Variants in PIK3C2G observed in about 807,000 individuals in gnomAD.
PIK3C2G encodes phosphatidylinositol-4-phosphate 3-kinase catalytic subunit type 2 gamma.
Under a neutral mutation model 181.1 loss-of-function variants are expected in PIK3C2G, and 168 were observed. That is an observed-to-expected ratio of 0.93 (90% CI 0.82 to 1.05). The LOEUF (loss-of-function observed/expected upper bound fraction) is 1.05. Among genes scored for constraint, PIK3C2G ranks in the 50% least tolerant of loss-of-function variants. The pLI, the probability that PIK3C2G is intolerant of heterozygous loss-of-function variation, is 0.00. For missense variants in PIK3C2G, 1,869 were observed against 1,732.8 expected (o/e 1.08, Z -1.40); for synonymous variants, 573 against 592.2 (o/e 0.97, Z 0.47).
chr12:18,603,398 A>T (rs1182537392), intron 30 of PIK3C2G, among the ~76,000 whole-genome samples: 1 of 152,178 alleles, frequency 6.6e-6, no homozygotes, highest in Non-Finnish European at 1.5e-5. Flanking sequence ...ACCTAAGAAT[A>T]ATCGGTGTTT....
At chr12:18,382,843 A>T (rs188591992) in intron 14 of PIK3C2G, among the ~76,000 whole-genome samples, 2 of 152,146 alleles carry the variant, frequency 1.3e-5, no homozygotes, top group African/African-American at 2.4e-5. Context: ...GCTTGTGGTG[A>T]GGGGTTTGGG....
intron 32 of PIK3C2G, among the ~76,000 whole-genome samples, chr12:18,645,022 A>G (rs1196105937): frequency 2.0e-5 from 3 of 152,214 alleles, no homozygotes; most frequent in African/African-American, 7.2e-5. Context: ...AGTGTTTTCT[A>G]TTAGACGTAA....
At chr12:18,390,992 T>A in intron 14 of PIK3C2G, 130 bp from the exon 15 acceptor site, 1 of 575,248 alleles carries the variant, frequency 1.7e-6, no homozygotes, top group Non-Finnish European at 2.6e-6. Context: ...TATTTTAAAA[T>A]TATAAATAGC....
chr12:18,552,630 A>G (rs1459503650), intron 26 of PIK3C2G, among the ~76,000 whole-genome samples: 1 of 152,128 alleles, frequency 6.6e-6, no homozygotes, highest in African/African-American at 2.4e-5. Context: ...TTCTCCTCTC[A>G]TTGTGAAAGT....
the PIK3C2G span, chr12:18,723,640 AAAG>A: frequency 2.1e-6 from 2 of 942,744 alleles, no homozygotes; most frequent in Non-Finnish European, 3.2e-6. Flanking sequence ...TTTATACTTG[AAAG>A]AAGATGAAAA....
intron 18 of PIK3C2G, 29 bp from the exon 19 acceptor site, chr12:18,488,420 A>G: frequency 6.9e-7 from 1 of 1,447,580 alleles, no homozygotes; most frequent in Non-Finnish European, 9.2e-7. Context: ...CTTTACATAC[A>G]AGAATTTTTT....
In PIK3C2G at chr12:18,290,908, G is replaced by A; in HGVS notation, c.815G>A (p.Trp272Ter). Residue 272 changes from tryptophan (W) to a stop codon, truncating the protein, a stop_gained, in exon 4 of 33, where the codon TGG becomes TAG. Transcript: ENST00000538779. LOFTEE classifies it high-confidence loss of function. ...ADVNFNSGKI[W>*]STTTAFPYQL... is the part of the protein sequence containing the mutation. The stretch of plus-strand genomic sequence containing the variant: ...GTTAATTTCAATTCTGGGAAGATCT[G>A]GAGCACTACTACAGCATTTCCGTAT... The A allele has an allele frequency of 1.9e-6, 3 of 1,598,246 alleles. No individual in the cohort carries two copies. Among genetic ancestry groups the A allele is most frequent in the Non-Finnish European group, 2.6e-6 (3 of 1,165,844 alleles).
intron 31 of PIK3C2G, among the ~76,000 whole-genome samples, chr12:18,638,161 G>A (rs367857879): frequency 1.3e-4 from 20 of 152,156 alleles, no homozygotes; most frequent in African/African-American, 4.1e-4. Flanking sequence ...AGCCAGCTGG[G>A]ATTTGAGTTT....
intron 18 of PIK3C2G, among the ~76,000 whole-genome samples, chr12:18,442,999 G>A (rs550835499): frequency 6.2e-4 from 94 of 152,046 alleles, no homozygotes; most frequent in Non-Finnish European, 1.0e-3. Flanking sequence ...AGCCTCCCAC[G>A]TAGCTGGGAT....
At chr12:18,294,540 T>C (rs1011650781) in intron 5 of PIK3C2G, among the ~76,000 whole-genome samples, 1 of 152,000 alleles carries the variant, frequency 6.6e-6, no homozygotes, top group Admixed American at 6.6e-5. Context: ...ACCATTTCTT[T>C]ATTGAGGCAG....
chr12:18,720,195 T>A, the PIK3C2G span, among the ~76,000 whole-genome samples: 1 of 152,130 alleles, frequency 6.6e-6, no homozygotes. Flanking sequence ...TAGTTATACA[T>A]TGCTCATTCC....
the PIK3C2G span, chr12:18,713,041 C>G: frequency 6.3e-7 from 1 of 1,593,346 alleles, no homozygotes; most frequent in Non-Finnish European, 8.6e-7. Context: ...AAAATATATA[C>G]CAAAGTATTA....
At chr12:18,693,894 C>T in the PIK3C2G span, 97 of 1,530,794 alleles carry the variant, frequency 6.3e-5, 1 homozygote, top group East Asian at 1.6e-4. Context: ...AGCAGGATGA[C>T]GCTGGCTGAT....
intron 24 of PIK3C2G, among the ~76,000 whole-genome samples, chr12:18,528,548 G>A (rs566275464): frequency 1.7e-4 from 26 of 152,142 alleles, no homozygotes; most frequent in Non-Finnish European, 3.1e-4. Context: ...TGGGATTTAA[G>A]CTTGCATACT....
intron 3 of PIK3C2G, among the ~76,000 whole-genome samples, chr12:18,288,429 A>G (rs987948710): frequency 6.6e-6 from 1 of 152,188 alleles, no homozygotes; most frequent in Non-Finnish European, 1.5e-5. Context: ...CCTGCCTCAT[A>G]AAACCTATAA....
chr12:18,375,700 G>C (rs1221534532), intron 13 of PIK3C2G, among the ~76,000 whole-genome samples: 1 of 152,248 alleles, frequency 6.6e-6, no homozygotes, highest in African/African-American at 2.4e-5. Context: ...GCATTTCAGA[G>C]ATATTCCAGG....
chr12:18,639,986 A>C (rs1949772573), intron 31 of PIK3C2G, among the ~76,000 whole-genome samples: 1 of 151,554 alleles, frequency 6.6e-6, no homozygotes, highest in Non-Finnish European at 1.5e-5. Context: ...ATATTATATA[A>C]TATACATATA....
intron 24 of PIK3C2G, among the ~76,000 whole-genome samples, chr12:18,520,675 A>C (rs1942852399): frequency 6.6e-6 from 1 of 152,106 alleles, no homozygotes; most frequent in Admixed American, 6.5e-5. Context: ...CCTCTAGTGC[A>C]GCGTAGCTTG....
chr12:18,404,144 A>C (rs1176886468), intron 16 of PIK3C2G, among the ~76,000 whole-genome samples: 1 of 152,132 alleles, frequency 6.6e-6, no homozygotes, highest in East Asian at 1.9e-4. Flanking sequence ...TATTTCCAAA[A>C]TATTTTTTTT....
Sources: allele counts gnomAD v4.1 joint callset (sites outside exome capture counted in the v4.1 genomes callset), GRCh38; gene constraint gnomAD v4.1.1; transcripts MANE v1.5; gene names NCBI Gene and HGNC (gene_info 2026-07-23, HGNC 2026-07-21).